Variants in DNM3 observed in about 807,000 individuals in gnomAD.
DNM3 encodes dynamin-3.
Under a neutral mutation model 101.6 loss-of-function variants are expected in DNM3, and 47 were observed. That is an observed-to-expected ratio of 0.46 (90% CI 0.37 to 0.59). The LOEUF (loss-of-function observed/expected upper bound fraction) is 0.59, where lower values mean the gene tolerates loss of function less well. Among genes scored for constraint, DNM3 ranks in the 20% least tolerant of loss-of-function variants. The probability of loss-of-function intolerance (pLI) is 0.00; values close to 1 mark genes in which losing one functional copy is unlikely to be tolerated. For missense variants in DNM3, 849 were observed against 1,085.7 expected, an observed-to-expected ratio of 0.78 and a Z score of 3.06; for synonymous variants, 385 against 387.9, an observed-to-expected ratio of 0.99 and a Z score of 0.09.
chr1:172,361,909 C>A (rs2067761592), intron 17 of DNM3, among the ~76,000 whole-genome samples: 1 of 152,084 alleles, frequency 6.6e-6, no homozygotes, highest in South Asian at 2.1e-4. Context: ...ATTGCAAATA[C>A]CCAACACTTA....
chr1:171,923,546 G>T (rs902533737), intron 2 of DNM3, among the ~76,000 whole-genome samples: 1 of 149,602 alleles, frequency 6.7e-6, no homozygotes. Flanking sequence ...TTCATTTCTC[G>T]TTATTTTTGT....
At chr1:171,935,769 CTTTTTTTTTT>C (rs551030808) in intron 2 of DNM3, among the ~76,000 whole-genome samples, 115 of 48,020 alleles carry the variant, frequency 2.4e-3, no homozygotes, top group South Asian at 0.015. Context: ...CAAATCAAAA[CTTTTTTTTTT>C]TTTTTTTTTT....
At chr1:172,211,751 T>C (rs2060522859) in intron 14 of DNM3, among the ~76,000 whole-genome samples, 1 of 152,140 alleles carries the variant, frequency 6.6e-6, no homozygotes, top group Admixed American at 6.6e-5. Flanking sequence ...TACAAAATTG[T>C]ACACTGATTA....
intron 13 of DNM3, among the ~76,000 whole-genome samples, chr1:172,114,040 G>T (rs144717691): frequency 6.6e-6 from 1 of 152,292 alleles, no homozygotes; most frequent in Non-Finnish European, 1.5e-5. Context: ...TTATATTTTA[G>T]TGGTGGAAAA....
chr1:172,143,716 T>A (rs78719670), intron 14 of DNM3, among the ~76,000 whole-genome samples: 3,147 of 152,014 alleles, frequency 0.021, 44 homozygotes, highest in African/African-American at 0.043. Context: ...CTCTTTGATT[T>A]AAAAAAAATG....
rs747589710 is a variant in DNM3 at position 172,042,157 on chromosome 1, C to A, written c.1128+13C>A. ...TGAGATAGTAAAGGTTTGTGTCAAA[C>A]GTTATTTTTTTCTTAGTTTCACTTC... is the stretch of plus-strand genomic sequence containing the variant. On this transcript the variant is annotated intron_variant, in intron 8 of 20. Transcript: ENST00000627582. The A allele has an allele frequency of 6.3e-7, 1 of 1,578,316 alleles. No homozygotes were observed. Among genetic ancestry groups the A allele is most frequent in the Non-Finnish European group, 8.6e-7 (1 of 1,168,974 alleles).
At chr1:172,237,378 C>G (rs1287051488) in intron 14 of DNM3, among the ~76,000 whole-genome samples, 2 of 152,078 alleles carry the variant, frequency 1.3e-5, no homozygotes, top group East Asian at 3.9e-4. Flanking sequence ...ATGTTCCAGC[C>G]GTGCCTGGGC....
At chr1:172,092,992 G>T in intron 13 of DNM3, 117 bp downstream of exon 13, 3 of 922,820 alleles carry the variant, frequency 3.3e-6, no homozygotes, top group South Asian at 2.2e-5. Context: ...TTGAAATGCA[G>T]CTTTCATTTT....
intron 16 of DNM3, among the ~76,000 whole-genome samples, chr1:172,318,098 A>C (rs998578926): frequency 2.6e-5 from 4 of 152,236 alleles, no homozygotes; most frequent in African/African-American, 9.6e-5. Context: ...TAAATCAATA[A>C]ATGTAATCCA....
intron 2 of DNM3, among the ~76,000 whole-genome samples, chr1:171,977,805 G>A (rs904483625): frequency 3.3e-5 from 5 of 152,024 alleles, no homozygotes; most frequent in African/African-American, 1.2e-4. Flanking sequence ...CTCCTTTTTG[G>A]TTGTCATTTC....
intron 2 of DNM3, among the ~76,000 whole-genome samples, chr1:171,936,625 T>C (rs766543309): frequency 6.6e-6 from 1 of 152,214 alleles, no homozygotes; most frequent in African/African-American, 2.4e-5. Flanking sequence ...TTGCTATTTC[T>C]TCCTTTCATG....
chr1:172,302,518 G>A (rs1214981895), intron 15 of DNM3, among the ~76,000 whole-genome samples: 1 of 152,198 alleles, frequency 6.6e-6, no homozygotes, highest in African/African-American at 2.4e-5. Flanking sequence ...AGAGAGCAGT[G>A]GTTCTCCCAG....
In DNM3 at chr1:171,987,680, A is replaced by G; in HGVS notation, c.260A>G (p.Lys87Arg). ...GAATATGCCGAGTTTCTACATTGCA[A>G]AGGAAAGAAATTTACAGATTTTGAT... is the stretch of plus-strand genomic sequence containing the variant. ...KAEYAEFLHC[K>R]GKKFTDFDEV... Residue 87 changes from lysine to arginine, a missense_variant, in exon 3 of 21, where the codon AAA becomes AGA. Lys to Arg is a conservative substitution (Grantham distance 26). Around this residue, in one of 5 missense-constraint regions of DNM3, gnomAD observed 388 missense variants for 483.0 expected, o/e 0.80. Coordinates refer to ENST00000627582, the MANE Select transcript of DNM3 (RefSeq NM_015569.5). 6.3e-7 allele frequency: 1 copy of G among 1,589,738 alleles called. No individual in the cohort carries two copies. The highest frequency in any genetic ancestry group is 8.5e-7 in the Non-Finnish European group (1 of 1,170,290).
At chr1:172,027,630 A>C (rs1206218455) in intron 4 of DNM3, among the ~76,000 whole-genome samples, 3 of 151,118 alleles carry the variant, frequency 2.0e-5, no homozygotes. Flanking sequence ...AGAGAGAGAA[A>C]TTGGATACAG....
chr1:171,946,733 G>T (rs1175180275), intron 2 of DNM3, among the ~76,000 whole-genome samples: 1 of 152,138 alleles, frequency 6.6e-6, no homozygotes, highest in Non-Finnish European at 1.5e-5. Flanking sequence ...AACTGCTTCT[G>T]ATGAGACCCT....
Position 171,841,545 on chromosome 1 carries a change from C to G in DNM3, c.-112C>G. 10 of 1,429,444 alleles carry G rather than the reference C, an allele frequency of 7.0e-6. No homozygotes were observed. The South Asian group carries it at 1.3e-4, about 19-fold the overall frequency. 88.5% of individuals were successfully genotyped at this position (1,429,444 alleles called of 1,614,324 possible). A position where few individuals can be genotyped will look rare whatever the true frequency, so the allele number is the denominator to read the frequency against. On this transcript the variant is annotated 5_prime_UTR_variant, in exon 1 of 21. Coordinates refer to ENST00000627582, the MANE Select transcript of DNM3 (RefSeq NM_015569.5). ...GCGGGCTCCGACGTCTGCGCCAGGA[C>G]CTGGCTGGCTGAGCCCGGCGCAGCA...
rs77651676 is a variant in DNM3 at position 171,853,834 on chromosome 1, C to A, written c.161+12017C>A. Reference sequence around the variant, plus strand: ...CAAAACACAAGTTTAATATCTCTGTCCTCAGTAACCTGCAGTCCCCTCCCT... The same window carrying A: ...CAAAACACAAGTTTAATATCTCTGTACTCAGTAACCTGCAGTCCCCTCCCT... On this transcript the variant is annotated intron_variant, in intron 1 of 20. Coordinates refer to ENST00000627582, the MANE Select transcript of DNM3 (RefSeq NM_015569.5). 4.3e-3 allele frequency among the ~76,000 whole-genome samples: 659 copies of A among 152,280 alleles called. 4 individuals carry two copies. The highest frequency in any genetic ancestry group is 0.015 in the African/African-American group (621 of 41,550).
In DNM3 at chr1:172,308,540, T is replaced by A. The variant is rs866955182; in HGVS notation, c.1770-188T>A. On this transcript the variant is annotated intron_variant, in intron 15 of 20. Coordinates refer to ENST00000627582, the MANE Select transcript of DNM3 (RefSeq NM_015569.5). ...CTTTGTAATGTGATTTTTTAAAAAA[T>A]TATATTGTAAATACATGTAGAAATT... Among the ~76,000 whole-genome samples the A allele has an allele frequency of 3.6e-4, 55 of 152,118 alleles. No homozygotes were observed. In the Middle Eastern group the frequency reaches 0.01, roughly 28 times the overall value.
chr1:172,214,061 A>G (rs2060607962), intron 14 of DNM3, among the ~76,000 whole-genome samples: 2 of 152,170 alleles, frequency 1.3e-5, no homozygotes, highest in South Asian at 4.1e-4. Context: ...ACTTAAAAAT[A>G]AAAGCTATTA....
Sources: gnomAD v4.1 joint callset for allele counts (sites outside exome capture counted in the v4.1 genomes callset) on GRCh38, gnomAD v4.1.1 for gene constraint, gnomAD v4.1.1 regional missense constraint, MANE v1.5 for transcripts, NCBI Gene and HGNC (gene_info 2026-07-23, HGNC 2026-07-21) for gene names.